NDUFAF2: variants seen among roughly 807,000 people sequenced by gnomAD.
The protein encoded by NDUFAF2 is NADH:ubiquinone oxidoreductase complex assembly factor 2, also known as NADH dehydrogenase [ubiquinone] 1 alpha subcomplex assembly factor 2.
In NDUFAF2, 13 loss-of-function variants were observed where a neutral mutation model predicts 22.8. The observed-to-expected ratio is 0.57, with a 90% CI of 0.37 to 0.91. The LOEUF is 0.91. NDUFAF2 is among the 40% of genes least tolerant of loss of function. The pLI is 0.01. For missense variants in NDUFAF2, 162 were observed against 195.2 expected, an observed-to-expected ratio of 0.83 and a Z score of 1.01; for synonymous variants, 53 against 64.2, an observed-to-expected ratio of 0.83 and a Z score of 0.84.
intron 1 of NDUFAF2, among the ~76,000 whole-genome samples, chr5:60,974,750 A>G (rs1383667029): frequency 1.3e-5 from 2 of 152,128 alleles, no homozygotes; most frequent in Non-Finnish European, 2.9e-5. Flanking sequence ...TTTTTCATGA[A>G]TGATTGTGAC....
At chr5:60,957,815 G>A (rs1750637041) in intron 1 of NDUFAF2, among the ~76,000 whole-genome samples, 1 of 152,112 alleles carries the variant, frequency 6.6e-6, no homozygotes, top group African/African-American at 2.4e-5. Context: ...AATAGGGAAG[G>A]GGCTCATTGG....
At position 60,992,564 on chromosome 5, in the gene NDUFAF2, A is replaced by G. The variant is rs113704673; in HGVS notation, c.127+47182A>G. Among the ~76,000 whole-genome samples, 87 of 152,270 alleles carry G rather than the reference A, an allele frequency of 5.7e-4. 1 individual carries two copies. Among genetic ancestry groups the G allele is most frequent in the African/African-American group, 2.0e-3 (84 of 41,558 alleles). On this transcript the variant is annotated intron_variant, in intron 1 of 3. Coordinates refer to ENST00000296597, the MANE Select transcript of NDUFAF2 (RefSeq NM_174889.5). ...AATTCATTTATCGTTTTGTCTTTCT[A>G]CACCACAGTTACAGTGTTATAATAT...
At chr5:61,015,094 T>G (rs1271788006) in intron 1 of NDUFAF2, among the ~76,000 whole-genome samples, 1 of 152,160 alleles carries the variant, frequency 6.6e-6, no homozygotes, top group African/African-American at 2.4e-5. Context: ...CAAGGCTGAC[T>G]TTTGGGACAT....
intron 3 of NDUFAF2, among the ~76,000 whole-genome samples, chr5:61,135,717 A>T (rs771448529): frequency 1.3e-5 from 2 of 152,082 alleles, no homozygotes; most frequent in Non-Finnish European, 2.9e-5. Flanking sequence ...GCCAGTTTAC[A>T]TGAAATACAA....
At chr5:60,958,037 G>A (rs1456856799) in intron 1 of NDUFAF2, among the ~76,000 whole-genome samples, 1 of 152,128 alleles carries the variant, frequency 6.6e-6, no homozygotes, top group African/African-American at 2.4e-5. Context: ...GGTTTTCTCA[G>A]AACCTATTTT....
At chr5:61,128,715 A>G (rs1753068622) in intron 3 of NDUFAF2, among the ~76,000 whole-genome samples, 2 of 152,180 alleles carry the variant, frequency 1.3e-5, no homozygotes, top group South Asian at 4.1e-4. Context: ...AACCTAGGCA[A>G]TACCATTCAG....
chr5:60,951,276 C>T (rs1750542455), intron 1 of NDUFAF2, among the ~76,000 whole-genome samples: 1 of 152,196 alleles, frequency 6.6e-6, no homozygotes, highest in African/African-American at 2.4e-5. Flanking sequence ...GATGATCTGC[C>T]TGCCTCAGCG....
chr5:61,067,031 T>C (rs1404680700), intron 1 of NDUFAF2, among the ~76,000 whole-genome samples: 1 of 152,108 alleles, frequency 6.6e-6, no homozygotes, highest in African/African-American at 2.4e-5. Flanking sequence ...ATGAGGACTG[T>C]TGGTAATAAA....
chr5:61,041,922 AC>A (rs1338516179), intron 1 of NDUFAF2, among the ~76,000 whole-genome samples: 7 of 152,336 alleles, frequency 4.6e-5, no homozygotes, highest in African/African-American at 1.7e-4. Context: ...TCATGGGCAA[AC>A]CAGATGTGCT....
intron 2 of NDUFAF2, among the ~76,000 whole-genome samples, chr5:61,076,660 C>T (rs1453483366): frequency 6.6e-6 from 1 of 152,200 alleles, no homozygotes; most frequent in Non-Finnish European, 1.5e-5. Flanking sequence ...TACTGTGAGA[C>T]TGGAAGCCAT....
chr5:61,122,597 T>C (rs1004087703), intron 3 of NDUFAF2, among the ~76,000 whole-genome samples: 2 of 152,204 alleles, frequency 1.3e-5, no homozygotes, highest in Middle Eastern at 3.2e-3. Context: ...TTTTCTTCTA[T>C]GTTTTTGTCT....
At chr5:61,128,672 G>T (rs1274206719) in intron 3 of NDUFAF2, among the ~76,000 whole-genome samples, 2 of 152,134 alleles carry the variant, frequency 1.3e-5, no homozygotes, top group Admixed American at 6.6e-5. Flanking sequence ...AGACTTAAAT[G>T]TTAGACCTAA....
chr5:61,071,432 A>T (rs2111729744), intron 1 of NDUFAF2, among the ~76,000 whole-genome samples: 1 of 152,360 alleles, frequency 6.6e-6, no homozygotes, highest in Middle Eastern at 3.4e-3. Flanking sequence ...AGATGGAAGA[A>T]ATAAAACCAG....
chr5:61,082,074 G>A (rs1039249999), intron 2 of NDUFAF2, among the ~76,000 whole-genome samples: 1 of 152,164 alleles, frequency 6.6e-6, no homozygotes, highest in African/African-American at 2.4e-5. Context: ...ATAAACTAGA[G>A]AAGATATAGC....
intron 3 of NDUFAF2, among the ~76,000 whole-genome samples, chr5:61,120,751 C>G (rs1023774912): frequency 6.6e-6 from 1 of 152,034 alleles, no homozygotes; most frequent in South Asian, 2.1e-4. Context: ...TCATTAGTCA[C>G]TAAGACAAGT....
At chr5:60,956,805 A>G (rs180705720) in intron 1 of NDUFAF2, among the ~76,000 whole-genome samples, 1 of 152,174 alleles carries the variant, frequency 6.6e-6, no homozygotes, top group Non-Finnish European at 1.5e-5. Flanking sequence ...ATTTAGACAC[A>G]CGTATATTTG....
intron 1 of NDUFAF2, among the ~76,000 whole-genome samples, chr5:60,950,645 T>C (rs1196402912): frequency 6.6e-6 from 1 of 151,822 alleles, no homozygotes; most frequent in African/African-American, 2.4e-5. Context: ...TGCTGGGTTT[T>C]TTTTTTTTTT....
chr5:61,056,909 AAAAAAAAAAAATATATATATAT>A (rs1423980386), intron 1 of NDUFAF2, among the ~76,000 whole-genome samples: 1 of 42,220 alleles, frequency 2.4e-5, no homozygotes, highest in Non-Finnish European at 4.2e-5. Context: ...AAAAAAAAAA[AAAAAAAAAAAATATATATATAT>A]ATATATATAT....
chr5:60,971,979 G>T (rs1438055454), intron 1 of NDUFAF2, among the ~76,000 whole-genome samples: 3 of 125,360 alleles, frequency 2.4e-5, no homozygotes, highest in Non-Finnish European at 3.2e-5. Flanking sequence ...GTCGTGCTCT[G>T]TCACCCAGGC....
Sources: gnomAD v4.1 joint callset for allele counts (sites outside exome capture counted in the v4.1 genomes callset) on GRCh38, gnomAD v4.1.1 for gene constraint, MANE v1.5 for transcripts, NCBI Gene and HGNC (gene_info 2026-07-23, HGNC 2026-07-21) for gene names.